IGF1: variants seen among roughly 807,000 people sequenced by gnomAD.
IGF1 encodes insulin like growth factor 1.
A neutral mutation model predicts 13.8 loss-of-function variants in IGF1; 4 were observed. That is an observed-to-expected ratio of 0.29 (90% confidence interval 0.14 to 0.66). The LOEUF is 0.66. IGF1 is among the 30% of genes least tolerant of loss of function. The probability of loss-of-function intolerance (pLI) is 0.78; values close to 1 mark genes in which losing one functional copy is unlikely to be tolerated. For missense variants in IGF1, 124 were observed against 188.5 expected, an observed-to-expected ratio of 0.66 and a Z score of 2.00; for synonymous variants, 76 against 72.6, an observed-to-expected ratio of 1.05 and a Z score of -0.23.
intron 2 of IGF1, among the ~76,000 whole-genome samples, chr12:102,459,392 C>T (rs1205676132): frequency 6.6e-6 from 1 of 152,040 alleles, no homozygotes; most frequent in Non-Finnish European, 1.5e-5. Context: ...CAGTCTTGCA[C>T]ATAGCACGAT....
intron 2 of IGF1, among the ~76,000 whole-genome samples, chr12:102,426,420 T>C (rs1592762377): frequency 1.3e-5 from 2 of 152,252 alleles, no homozygotes; most frequent in African/African-American, 4.8e-5. Context: ...ACATAGCTAG[T>C]TGGGCAGGTA....
rs138242457 is a variant in IGF1, at chr12:102,412,840, A to G, written c.402+6669T>C. ...TTTCTCTCTTCTGGAATTTAAACAT[A>G]CGTTTATATTTTTAAATCATTTCTT... On this transcript the variant is annotated intron_variant, in intron 3 of 3. Coordinates refer to ENST00000337514, the MANE Select transcript of IGF1 (RefSeq NM_000618.5). 1.3e-4 allele frequency among the ~76,000 whole-genome samples: 20 copies of G among 152,274 alleles called. No homozygotes were observed. The East Asian group carries it at 2.7e-3, about 21-fold the overall frequency.
intron 2 of IGF1, among the ~76,000 whole-genome samples, chr12:102,442,208 C>T (rs912751910): frequency 5.9e-5 from 9 of 151,810 alleles, no homozygotes; most frequent in African/African-American, 2.2e-4. Context: ...CTTGGCCTCT[C>T]AAATTGCTGG....
In IGF1 at chr12:102,398,051, T is replaced by G. The variant is rs1429763743; in HGVS notation, c.*4456A>C. 6 of 151,758 alleles carry G rather than the reference T, an allele frequency of 4.0e-5. No homozygotes were observed. The Admixed American group carries it at 4.0e-4, about 10-fold the overall frequency. The allele number at this position is 151,758 out of a possible 1,614,324, so 9.4% of individuals were successfully genotyped here. ...AAAAGAAGAAAAGAACCAAGTCATT[T>G]TGAACATTAAGAAATTCATAAAGAC... On this transcript the variant is annotated 3_prime_UTR_variant, in exon 4 of 4. Coordinates refer to ENST00000337514, the MANE Select transcript of IGF1 (RefSeq NM_000618.5).
chr12:102,430,874 C>A (rs1012982691), intron 2 of IGF1, among the ~76,000 whole-genome samples: 1 of 152,164 alleles, frequency 6.6e-6, no homozygotes, highest in African/African-American at 2.4e-5. Flanking sequence ...TGAGCCATCA[C>A]AAATTCTTTG....
intron 2 of IGF1, among the ~76,000 whole-genome samples, chr12:102,441,906 G>GCTGCTGCTGCTGCTGCTGCTTCTT: frequency 5.0e-5 from 5 of 100,292 alleles, no homozygotes; most frequent in African/African-American, 1.2e-4. Context: ...CTATTACACT[G>GCTGCTGCTGCTGCTGCTGCTTCTT]CTTCTTCTCC....
At chr12:102,444,706 C>T (rs1878163710) in intron 2 of IGF1, among the ~76,000 whole-genome samples, 1 of 152,044 alleles carries the variant, frequency 6.6e-6, no homozygotes, top group Non-Finnish European at 1.5e-5. Context: ...CAATTGGTTA[C>T]CTGCTACATT....
rs1020400972 is a variant in IGF1 at position 102,478,399 on chromosome 12, A to C, written c.63+1920T>G. 29 of 823,864 alleles carry C rather than the reference A, an allele frequency of 3.5e-5. No individual in the cohort carries two copies. In the South Asian group the frequency reaches 6.3e-4, roughly 18 times the overall value. The allele number at this position is 823,864 out of a possible 1,614,324, so 51.0% of individuals were successfully genotyped here. A position where few individuals can be genotyped will look rare whatever the true frequency, so the allele number is the denominator to read the frequency against. On this transcript the variant is annotated intron_variant, in intron 1 of 3. Coordinates refer to ENST00000337514, the MANE Select transcript of IGF1 (RefSeq NM_000618.5). ...GTTCTTTTTTTTTTAATCTTAGATA[A>C]ATGGAATATTAATTGATTCCAGATG...
In IGF1 at chr12:102,396,795, T is replaced by C. The variant is rs1873219382; in HGVS notation, c.*5712A>G. On this transcript the variant is annotated 3_prime_UTR_variant, in exon 4 of 4. Transcript: ENST00000337514. ...TTTGGTTTTGTGTCCTCTCTTTTTT[T>C]TTTTTTACTTTAAAAAAGCTTGGAT... 5.0e-6 allele frequency: 2 copies of C among 397,938 alleles called. No homozygotes were observed. Among genetic ancestry groups the C allele is most frequent in the African/African-American group, 4.1e-5 (2 of 48,578 alleles). 24.7% of individuals were successfully genotyped at this position (397,938 alleles called of 1,614,324 possible). A position where few individuals can be genotyped will look rare whatever the true frequency, so the allele number is the denominator to read the frequency against.
intron 2 of IGF1, among the ~76,000 whole-genome samples, chr12:102,453,442 C>T (rs1283887915): frequency 6.6e-6 from 1 of 152,214 alleles, no homozygotes; most frequent in African/African-American, 2.4e-5. Context: ...GTTAATTGAG[C>T]ACTTTCTACA....
intron 2 of IGF1, among the ~76,000 whole-genome samples, chr12:102,434,923 T>C (rs1877091582): frequency 6.6e-6 from 1 of 152,204 alleles, no homozygotes; most frequent in Non-Finnish European, 1.5e-5. Context: ...TTTCATGTAT[T>C]TTTTGGCTGC....
At chr12:102,475,368 G>A (rs771598745) in intron 2 of IGF1, among the ~76,000 whole-genome samples, 1 of 152,096 alleles carries the variant, frequency 6.6e-6, no homozygotes, top group Non-Finnish European at 1.5e-5. Flanking sequence ...TGAAAGGAAT[G>A]GAATAGTGAG....
chr12:102,478,731 T>C (rs1244678320), intron 1 of IGF1: 7 of 1,130,858 alleles, frequency 6.2e-6, no homozygotes, highest in East Asian at 5.8e-5. Flanking sequence ...GTCAATCTTT[T>C]CCCCCCAGTC....
chr12:102,466,541 A>AG (rs1880337636), intron 2 of IGF1, among the ~76,000 whole-genome samples: 1 of 152,184 alleles, frequency 6.6e-6, no homozygotes, highest in Admixed American at 6.5e-5. Flanking sequence ...AATAGTGTTG[A>AG]GGCTGAAAAA....
At chr12:102,424,170 C>G (rs1040922942) in intron 2 of IGF1, among the ~76,000 whole-genome samples, 1 of 150,504 alleles carries the variant, frequency 6.6e-6, no homozygotes, top group African/African-American at 2.4e-5. Context: ...ATTTGTTATT[C>G]TTTGAGTTCT....
intron 2 of IGF1, among the ~76,000 whole-genome samples, chr12:102,460,864 A>G (rs555427765): frequency 6.6e-6 from 1 of 152,362 alleles, no homozygotes; most frequent in South Asian, 2.1e-4. Flanking sequence ...AATATAGACA[A>G]GAAGTGGCAT....
intron 2 of IGF1, among the ~76,000 whole-genome samples, chr12:102,454,432 C>T (rs949072558): frequency 6.6e-6 from 1 of 152,214 alleles, no homozygotes; most frequent in Non-Finnish European, 1.5e-5. Flanking sequence ...AAAGATTCAT[C>T]TTTCTGCTAT....
intron 2 of IGF1, among the ~76,000 whole-genome samples, chr12:102,447,656 G>C (rs1253406132): frequency 1.3e-5 from 2 of 152,082 alleles, no homozygotes; most frequent in Admixed American, 6.6e-5. Flanking sequence ...AGCACCAATG[G>C]GTCTTGACTC....
intron 2 of IGF1, among the ~76,000 whole-genome samples, chr12:102,455,298 A>T (rs1298699720): frequency 6.6e-6 from 1 of 152,256 alleles, no homozygotes; most frequent in Non-Finnish European, 1.5e-5. Flanking sequence ...CAACAGCATA[A>T]TGTCAGCCTT....
Sources: allele counts gnomAD v4.1 joint callset (sites outside exome capture counted in the v4.1 genomes callset), GRCh38; gene constraint gnomAD v4.1.1; transcripts MANE v1.5; gene names NCBI Gene and HGNC (gene_info 2026-07-23, HGNC 2026-07-21).